The following SCHIP1 variants were observed in gnomAD, a reference collection of about 807,000 sequenced individuals.
The protein encoded by SCHIP1 is schwannomin interacting protein 1.
SCHIP1 carries 8 observed loss-of-function variants against 29.7 expected under a neutral mutation model. The observed-to-expected ratio is 0.27, with a 90% confidence interval of 0.16 to 0.49. SCHIP1 has a LOEUF of 0.49. Among genes scored for constraint, SCHIP1 ranks in the 20% least tolerant of loss-of-function variants. The probability of loss-of-function intolerance (pLI) is 0.99; values close to 1 mark genes in which losing one functional copy is unlikely to be tolerated. For synonymous variants in SCHIP1, 76 were observed against 94.9 expected, an observed-to-expected ratio of 0.80 and a Z score of 1.16; for missense variants, 193 against 294.6, an observed-to-expected ratio of 0.66 and a Z score of 2.52.
At chr3:159,641,664 T>C in the SCHIP1 span, among the ~76,000 whole-genome samples, 1 of 152,194 alleles carries the variant, frequency 6.6e-6, no homozygotes, top group Non-Finnish European at 1.5e-5. Flanking sequence ...GATATTTGCT[T>C]TGGCTCCTAA....
the SCHIP1 span, among the ~76,000 whole-genome samples, chr3:159,751,682 C>T: frequency 1.4e-4 from 21 of 151,848 alleles, no homozygotes; most frequent in Non-Finnish European, 2.2e-4. Context: ...GTAGCTGGGA[C>T]GACAGGTGCC....
the SCHIP1 span, among the ~76,000 whole-genome samples, chr3:159,676,690 C>A: frequency 3.3e-5 from 5 of 152,262 alleles, no homozygotes; most frequent in African/African-American, 1.2e-4. Flanking sequence ...GTGGGACAGA[C>A]TGCTGCCCCT....
the SCHIP1 span, among the ~76,000 whole-genome samples, chr3:159,723,778 T>C: frequency 6.6e-6 from 1 of 152,170 alleles, no homozygotes; most frequent in African/African-American, 2.4e-5. Flanking sequence ...TCAAGAATTT[T>C]TAACTAAGAG....
At chr3:159,854,916 C>T (rs1371378938) in intron 1 of SCHIP1, among the ~76,000 whole-genome samples, 3 of 152,220 alleles carry the variant, frequency 2.0e-5, no homozygotes, top group Non-Finnish European at 1.5e-5. Context: ...AGCAGTGATA[C>T]ACCAGCAACC....
chr3:159,420,629 C>T, the SCHIP1 span, among the ~76,000 whole-genome samples: 6 of 152,094 alleles, frequency 3.9e-5, no homozygotes, highest in Admixed American at 3.9e-4. Context: ...TGTTCAGAAC[C>T]AGAAGAGGTC....
the SCHIP1 span, among the ~76,000 whole-genome samples, chr3:159,335,474 T>C: frequency 6.6e-6 from 1 of 152,114 alleles, no homozygotes. Flanking sequence ...GTATACCTCC[T>C]AATGCTATCC....
At chr3:159,763,762 G>A in the SCHIP1 span, 2 of 152,250 alleles carry the variant, frequency 1.3e-5, no homozygotes, top group African/African-American at 2.4e-5. Flanking sequence ...GGGAGGCGGG[G>A]GACCACCCTG....
the SCHIP1 span, among the ~76,000 whole-genome samples, chr3:159,680,613 T>G: frequency 1.0e-4 from 10 of 100,248 alleles, no homozygotes; most frequent in Admixed American, 1.6e-3. Context: ...ATATTATATA[T>G]GTATATATAA....
the SCHIP1 span, among the ~76,000 whole-genome samples, chr3:159,661,671 G>T: frequency 2.0e-5 from 3 of 152,138 alleles, no homozygotes; most frequent in African/African-American, 7.2e-5. Context: ...TGGGGTTAAG[G>T]TTTCACATCT....
chr3:159,522,919 T>C, the SCHIP1 span, among the ~76,000 whole-genome samples: 2 of 152,162 alleles, frequency 1.3e-5, no homozygotes, highest in Non-Finnish European at 2.9e-5. Flanking sequence ...TATATCAGTT[T>C]TCTATATCTT....
At chr3:159,536,693 G>A in the SCHIP1 span, among the ~76,000 whole-genome samples, 1 of 152,168 alleles carries the variant, frequency 6.6e-6, no homozygotes, top group Non-Finnish European at 1.5e-5. Context: ...AGCAAGGGGA[G>A]AAGGGAAAGA....
At chr3:159,725,923 G>C in the SCHIP1 span, among the ~76,000 whole-genome samples, 2 of 152,192 alleles carry the variant, frequency 1.3e-5, no homozygotes, top group Admixed American at 1.3e-4. Flanking sequence ...AGAATTCAAA[G>C]GGAAAAAGAA....
At chr3:159,366,787 A>C in the SCHIP1 span, among the ~76,000 whole-genome samples, 6 of 152,212 alleles carry the variant, frequency 3.9e-5, no homozygotes, top group Admixed American at 6.5e-5. Context: ...CTGCCTGTAG[A>C]TTGCATGGGA....
the SCHIP1 span, among the ~76,000 whole-genome samples, chr3:159,642,461 T>C: frequency 1.3e-5 from 2 of 152,078 alleles, no homozygotes; most frequent in African/African-American, 4.8e-5. Context: ...TTCAGCTACA[T>C]CCTCCTGTGG....
the SCHIP1 span, among the ~76,000 whole-genome samples, chr3:159,803,066 TCA>T: frequency 6.6e-6 from 1 of 152,144 alleles, no homozygotes; most frequent in African/African-American, 2.4e-5. Context: ...CTGCTTAAAT[TCA>T]GTTAGCCGGA....
At chr3:159,627,265 G>T in the SCHIP1 span, among the ~76,000 whole-genome samples, 1 of 152,148 alleles carries the variant, frequency 6.6e-6, no homozygotes. Flanking sequence ...CACTATGGTA[G>T]CAGAGAATCT....
the SCHIP1 span, among the ~76,000 whole-genome samples, chr3:159,508,986 A>G: frequency 1.2e-4 from 19 of 152,284 alleles, no homozygotes; most frequent in East Asian, 1.9e-4. Context: ...TGTTAGGTCC[A>G]CTTGGTGCAG....
At chr3:159,639,487 T>G in the SCHIP1 span, among the ~76,000 whole-genome samples, 607 of 152,278 alleles carry the variant, frequency 4.0e-3, 5 homozygotes, top group African/African-American at 0.014. Flanking sequence ...ATTAATAATT[T>G]TTAACCATTT....
the SCHIP1 span, among the ~76,000 whole-genome samples, chr3:159,589,312 G>C: frequency 6.6e-6 from 1 of 152,142 alleles, no homozygotes; most frequent in Non-Finnish European, 1.5e-5. Flanking sequence ...CATTGATTTT[G>C]TATCCTGAGA....
Sources: allele counts gnomAD v4.1 joint callset (sites outside exome capture counted in the v4.1 genomes callset), GRCh38; gene constraint gnomAD v4.1.1; transcripts MANE v1.5; gene names NCBI Gene and HGNC (gene_info 2026-07-23, HGNC 2026-07-21).